Variants in STOX2 observed in about 807,000 individuals in gnomAD.
STOX2 encodes storkhead-box protein 2.
In STOX2, 28 loss-of-function variants were observed where a neutral mutation model predicts 60.9. The ratio of observed to expected loss-of-function variants is 0.46; its 90% confidence interval spans 0.34 to 0.63. The LOEUF is 0.63. Ranked by LOEUF, STOX2 falls within the 30% of genes least tolerant of loss-of-function variation. STOX2 has a pLI of 0.01. For missense variants in STOX2, 1,024 were observed against 1,187.7 expected (o/e 0.86, Z 2.03); for synonymous variants, 472 against 463.9 (o/e 1.02, Z -0.22).
At chr4:184,015,484 T>A (rs776809547) in intron 3 of STOX2, 9 of 149,324 alleles carry the variant, frequency 6.0e-5, no homozygotes, top group Admixed American at 1.4e-4. Context: ...CCCTCGACAT[T>A]CAAGAAAGTC....
intron 1 of STOX2, among the ~76,000 whole-genome samples, chr4:183,883,906 C>T (rs1193508733): frequency 1.3e-5 from 2 of 150,706 alleles, no homozygotes; most frequent in African/African-American, 4.9e-5. Flanking sequence ...GGCTAGAGTG[C>T]AGTGGTGCGA....
At chr4:183,970,827 CTAAT>C (rs1205403366) in intron 1 of STOX2, among the ~76,000 whole-genome samples, 3 of 152,244 alleles carry the variant, frequency 2.0e-5, no homozygotes, top group Admixed American at 1.3e-4. Context: ...ATTTCACTCT[CTAAT>C]TGAGTAGAAT....
At chr4:183,845,697 A>G (rs192605614) in intron 1 of STOX2, among the ~76,000 whole-genome samples, 4 of 152,328 alleles carry the variant, frequency 2.6e-5, no homozygotes, top group South Asian at 2.1e-4. Flanking sequence ...TGGGAATGCA[A>G]TCTCTCATTC....
At position 183,865,608 on chromosome 4, in the gene STOX2, C is replaced by A. The variant is rs144451565; in HGVS notation, c.364+67553C>A. On this transcript the variant is annotated intron_variant, in intron 1 of 2. Transcript: ENST00000513034. The surrounding 1 kb of genome is among the most constrained non-coding windows in gnomAD (Gnocchi z 4.1). ...CTAATTTCAGGTGAGTCTGCAGGAC[C>A]GTAGATAGAAAGAATTTATGGGATG... Among the ~76,000 whole-genome samples the A allele has an allele frequency of 6.6e-6, 1 of 151,896 alleles. No homozygotes were observed. The highest frequency in any genetic ancestry group is 6.6e-5 in the Admixed American group (1 of 15,258).
chr4:183,908,079 C>T, intron 1 of STOX2, among the ~76,000 whole-genome samples: 1 of 152,190 alleles, frequency 6.6e-6, no homozygotes, highest in South Asian at 2.1e-4. Flanking sequence ...CTGGGGTCAG[C>T]ATCTCATGCT....
At chr4:183,833,462 T>C (rs1468772913) in intron 1 of STOX2, among the ~76,000 whole-genome samples, 1 of 152,142 alleles carries the variant, frequency 6.6e-6, no homozygotes, top group Non-Finnish European at 1.5e-5. Flanking sequence ...CTCTTCTCTA[T>C]ATCCCACCCT....
intron 2 of STOX2, among the ~76,000 whole-genome samples, chr4:184,002,541 A>G (rs1157722916): frequency 6.6e-6 from 1 of 152,236 alleles, no homozygotes; most frequent in Admixed American, 6.5e-5. Flanking sequence ...GGTGGGGCCC[A>G]GCAGGGTAGT....
At chr4:183,874,270 C>T (rs975142107) in intron 1 of STOX2, among the ~76,000 whole-genome samples, 1 of 152,180 alleles carries the variant, frequency 6.6e-6, no homozygotes, top group Non-Finnish European at 1.5e-5. Context: ...AAGGCTTCAT[C>T]CCTTGGTAAA....
At chr4:183,955,242 G>A (rs2111153073) in intron 1 of STOX2, among the ~76,000 whole-genome samples, 1 of 152,200 alleles carries the variant, frequency 6.6e-6, no homozygotes, top group Middle Eastern at 3.4e-3. Context: ...AATCAGTATT[G>A]GTATTAATGA....
intron 1 of STOX2, among the ~76,000 whole-genome samples, chr4:183,804,196 G>A (rs1334567034): frequency 1.3e-5 from 2 of 152,088 alleles, no homozygotes; most frequent in African/African-American, 2.4e-5. Context: ...ATACAAATAA[G>A]GACCTTAAGG....
At chr4:183,964,317 T>G (rs1743499320) in intron 1 of STOX2, among the ~76,000 whole-genome samples, 1 of 152,238 alleles carries the variant, frequency 6.6e-6, no homozygotes, top group South Asian at 2.1e-4. Context: ...TCCCCTATGG[T>G]GCATTTTACA....
intron 1 of STOX2, among the ~76,000 whole-genome samples, chr4:183,829,370 G>A (rs546424807): frequency 6.6e-6 from 1 of 152,296 alleles, no homozygotes; most frequent in East Asian, 1.9e-4. Flanking sequence ...GAAAAAAGCC[G>A]TTTCCTTTCT....
In STOX2 at chr4:183,819,575, G is replaced by A. The variant is rs866022303; in HGVS notation, c.364+21520G>A. ...GGAGACTGTGGGGAGAGGGAGAGGG[G>A]GAGGGGGAGGGAGAGGGAGAGTGGG... On this transcript the variant is annotated intron_variant, in intron 1 of 2. Transcript: ENST00000513034. Among the ~76,000 whole-genome samples, 146 of 133,284 alleles carry A rather than the reference G, an allele frequency of 1.1e-3. 2 individuals are homozygous for A. The highest frequency in any genetic ancestry group is 4.0e-3 in the African/African-American group (133 of 33,368). The allele number at this position is 133,284 out of a possible 152,430, so 87.4% of individuals were successfully genotyped here.
In STOX2 at chr4:184,023,166, A is replaced by G. The variant is rs750712929; in HGVS notation, c.*5882A>G. On this transcript the variant is annotated 3_prime_UTR_variant, in exon 4 of 4. Coordinates refer to ENST00000308497, the MANE Select transcript of STOX2 (RefSeq NM_020225.3). ...TGTGTTTGCACTGAAAAAAAATTTT[A>G]AATTACTTGGTCTCTGGTTGCTGTA... The G allele has an allele frequency of 6.6e-6, 1 of 152,182 alleles. No individual in the cohort carries two copies. The highest frequency in any genetic ancestry group is 1.5e-5 in the Non-Finnish European group (1 of 68,036). The allele number at this position is 152,182 out of a possible 1,614,324, so 9.4% of individuals were successfully genotyped here.
chr4:183,910,872 T>C (rs1408393166), intron 1 of STOX2, among the ~76,000 whole-genome samples: 1 of 152,196 alleles, frequency 6.6e-6, no homozygotes, highest in Admixed American at 6.5e-5. Flanking sequence ...GTTTATTAGT[T>C]TTCATTTTAT....
At chr4:184,006,532 G>C (rs1733833761) in intron 2 of STOX2, among the ~76,000 whole-genome samples, 1 of 151,632 alleles carries the variant, frequency 6.6e-6, no homozygotes, top group Non-Finnish European at 1.5e-5. Context: ...GGGCAACATG[G>C]AGAAACCCCA....
At chr4:183,818,837 G>A (rs1469365117) in intron 1 of STOX2, among the ~76,000 whole-genome samples, 9 of 151,474 alleles carry the variant, frequency 5.9e-5, no homozygotes, top group Admixed American at 5.2e-4. Context: ...ACGGGGTCGC[G>A]ACCGGGCAGA....
At position 183,828,405 on chromosome 4, in the gene STOX2, TC is replaced by T. The variant is rs568979426; in HGVS notation, c.364+30351del. On this transcript the variant is annotated intron_variant, in intron 1 of 2. Coordinates refer to the STOX2 transcript ENST00000513034. ...GGCTCGGGGGATGTGTTTAGATTCT[TC>T]AGTCATATTCAGTCTAACATGTCTA... Among the ~76,000 whole-genome samples the T allele has an allele frequency of 2.6e-3, 396 of 152,260 alleles. 2 individuals carry two copies. The highest frequency in any genetic ancestry group is 0.012 in the South Asian group (58 of 4,814).
intron 1 of STOX2, among the ~76,000 whole-genome samples, chr4:183,937,688 C>T (rs185137190): frequency 3.9e-5 from 6 of 152,228 alleles, no homozygotes; most frequent in African/African-American, 1.2e-4. Context: ...ACCTTGTTCA[C>T]AACGTGTGGC....
Sources: allele counts gnomAD v4.1 joint callset (sites outside exome capture counted in the v4.1 genomes callset), GRCh38; gene constraint gnomAD v4.1.1; non-coding constraint Gnocchi (gnomAD v3.1); transcripts MANE v1.5; gene names NCBI Gene and HGNC (gene_info 2026-07-23, HGNC 2026-07-21).